Variants in PCCA observed in about 807,000 individuals in gnomAD.
The protein encoded by PCCA is propionyl-CoA carboxylase alpha chain, mitochondrial.
Under a neutral mutation model 101.3 loss-of-function variants are expected in PCCA, and 74 were observed. The ratio of observed to expected loss-of-function variants is 0.73; its 90% CI spans 0.61 to 0.89. The LOEUF is 0.89. PCCA is among the 40% of genes least tolerant of loss of function. The pLI is 0.00. For synonymous variants in PCCA, 294 were observed against 313.6 expected, an observed-to-expected ratio of 0.94 and a Z score of 0.66; for missense variants, 891 against 907.0, an observed-to-expected ratio of 0.98 and a Z score of 0.23.
At chr13:100,366,894 T>C (rs1272832894) in intron 18 of PCCA, among the ~76,000 whole-genome samples, 1 of 152,226 alleles carries the variant, frequency 6.6e-6, no homozygotes, top group Non-Finnish European at 1.5e-5. Flanking sequence ...AATATGTATT[T>C]AAATTAATAA....
intron 22 of PCCA, among the ~76,000 whole-genome samples, chr13:100,518,808 G>A (rs145373456): frequency 2.0e-5 from 3 of 152,130 alleles, no homozygotes; most frequent in East Asian, 1.9e-4. Flanking sequence ...TCTTAGACTC[G>A]TAACACTATT....
At chr13:100,196,138 G>A (rs1303665961) in intron 6 of PCCA, among the ~76,000 whole-genome samples, 2 of 152,058 alleles carry the variant, frequency 1.3e-5, no homozygotes, top group Non-Finnish European at 2.9e-5. Flanking sequence ...TACCAGGAAA[G>A]TACAAAGATA....
At chr13:100,344,901 A>G (rs2071958244) in intron 18 of PCCA, among the ~76,000 whole-genome samples, 1 of 152,042 alleles carries the variant, frequency 6.6e-6, no homozygotes, top group South Asian at 2.1e-4. Context: ...TTATTATCAT[A>G]TCTGTTTTGG....
intron 20 of PCCA, among the ~76,000 whole-genome samples, chr13:100,431,871 A>T (rs1050485118): frequency 3.2e-4 from 48 of 150,478 alleles, no homozygotes; most frequent in African/African-American, 5.9e-4. Flanking sequence ...ATCTCAAAAA[A>T]AATAATAATA....
chr13:100,374,247 A>T lies in PCCA; in HGVS notation c.1746+5673A>T, dbSNP rs142876434. On this transcript the variant is annotated intron_variant, in intron 19 of 23. Coordinates refer to ENST00000376285, the MANE Select transcript of PCCA (RefSeq NM_000282.4). ...AGTATTTTATGTATTTTAGGTCTTTATTCTGATTTCTGAATACAGCTGTCT... is the reference window on the plus strand; with the variant it reads ...AGTATTTTATGTATTTTAGGTCTTTTTTCTGATTTCTGAATACAGCTGTCT... Among the ~76,000 whole-genome samples, 367 of 152,324 alleles carry T rather than the reference A, an allele frequency of 2.4e-3. 1 individual carries two copies. The highest frequency in any genetic ancestry group is 8.4e-3 in the African/African-American group (350 of 41,566).
intron 7 of PCCA, among the ~76,000 whole-genome samples, chr13:100,232,336 G>GTTTA (rs766203216): frequency 4.8e-5 from 7 of 146,572 alleles, no homozygotes; most frequent in Non-Finnish European, 8.9e-5. Flanking sequence ...TTATGTTTAT[G>GTTTA]TGTGTGTGTG....
chr13:100,197,444 T>TA, intron 6 of PCCA, among the ~76,000 whole-genome samples: 1 of 152,220 alleles, frequency 6.6e-6, no homozygotes, highest in East Asian at 1.9e-4. Context: ...TTTATTATTT[T>TA]AATTTAATTT....
intron 4 of PCCA, chr13:100,149,144 A>C (rs1384606618): frequency 7.1e-6 from 1 of 140,352 alleles, no homozygotes; most frequent in African/African-American, 2.7e-5. Flanking sequence ...TAGAAATAGG[A>C]TTTTATCTGG....
intron 17 of PCCA, among the ~76,000 whole-genome samples, chr13:100,336,620 C>T (rs879818821): frequency 5.9e-5 from 9 of 152,132 alleles, no homozygotes; most frequent in Non-Finnish European, 8.8e-5. Context: ...GGTTTTTCTT[C>T]TTTCAGTCAC....
intron 7 of PCCA, among the ~76,000 whole-genome samples, chr13:100,224,858 CAGTG>C (rs2060057515): frequency 6.6e-6 from 1 of 152,102 alleles, no homozygotes; most frequent in Non-Finnish European, 1.5e-5. Context: ...AGGTGAGAGA[CAGTG>C]AGAACTCTGG....
In PCCA at chr13:100,361,144, G is replaced by A. The variant is rs183842242; in HGVS notation, c.1644-7328G>A. ...GTGATTGCCAAGCATTCGGGGGAGG[G>A]AGGGGAAATAAATAGGTGGAACAGG... On this transcript the variant is annotated intron_variant, in intron 18 of 23. Coordinates refer to ENST00000376285, the MANE Select transcript of PCCA (RefSeq NM_000282.4). Among the ~76,000 whole-genome samples, 912 of 152,186 alleles carry A rather than the reference G, an allele frequency of 6.0e-3. 16 individuals carry two copies. Among genetic ancestry groups the A allele is most frequent in the African/African-American group, 0.021 (883 of 41,536 alleles).
At chr13:100,287,472 G>C (rs1177421500) in intron 12 of PCCA, among the ~76,000 whole-genome samples, 1 of 151,740 alleles carries the variant, frequency 6.6e-6, no homozygotes, top group African/African-American at 2.4e-5. Context: ...ACTAAAATAT[G>C]TTCTTAATAA....
intron 21 of PCCA, among the ~76,000 whole-genome samples, chr13:100,488,172 C>T (rs61970536): frequency 0.24 from 35,780 of 152,162 alleles, 5,061 homozygotes; most frequent in East Asian, 0.55. Flanking sequence ...CGGCTCACCG[C>T]AACCTCTGCC....
chr13:100,352,433 T>C (rs1242705568), intron 18 of PCCA, among the ~76,000 whole-genome samples: 1 of 150,856 alleles, frequency 6.6e-6, no homozygotes, highest in Non-Finnish European at 1.5e-5. Flanking sequence ...GGTCTTGCTC[T>C]ATCACCCAGT....
chr13:100,252,330 A>AT (rs2152549066), intron 8 of PCCA, among the ~76,000 whole-genome samples: 1 of 152,318 alleles, frequency 6.6e-6, no homozygotes, highest in Admixed American at 6.5e-5. Flanking sequence ...GAAGATCCCC[A>AT]TTCCCCATCA....
At chr13:100,139,393 C>T (rs1245850724) in intron 4 of PCCA, among the ~76,000 whole-genome samples, 2 of 151,462 alleles carry the variant, frequency 1.3e-5, no homozygotes, top group Admixed American at 6.6e-5. Context: ...AAGTATTGTT[C>T]CATAGTCTCT....
intron 4 of PCCA, among the ~76,000 whole-genome samples, chr13:100,152,122 A>G (rs913165448): frequency 1.3e-5 from 2 of 152,206 alleles, no homozygotes; most frequent in Non-Finnish European, 2.9e-5. Flanking sequence ...GCAGTAGAGA[A>G]TTCAAATGTT....
intron 21 of PCCA, among the ~76,000 whole-genome samples, chr13:100,481,971 A>G (rs2083978979): frequency 6.6e-6 from 1 of 152,258 alleles, no homozygotes; most frequent in African/African-American, 2.4e-5. Flanking sequence ...ATTTGCAGAA[A>G]CATCGTTGCT....
chr13:100,200,388 G>A (rs927860239), intron 6 of PCCA, among the ~76,000 whole-genome samples: 1 of 152,182 alleles, frequency 6.6e-6, no homozygotes, highest in Non-Finnish European at 1.5e-5. Flanking sequence ...ACAGGCGTGA[G>A]CCACAGTGCC....
Sources: allele counts gnomAD v4.1 joint callset (sites outside exome capture counted in the v4.1 genomes callset), GRCh38; gene constraint gnomAD v4.1.1; transcripts MANE v1.5; gene names NCBI Gene and HGNC (gene_info 2026-07-23, HGNC 2026-07-21).